The following ME2 variants were observed in gnomAD, a reference collection of about 807,000 sequenced individuals.
ME2 encodes malic enzyme 2, also known as NAD-dependent malic enzyme, mitochondrial.
A neutral mutation model predicts 73.7 loss-of-function variants in ME2; 60 were observed. That is an observed-to-expected ratio of 0.81 (90% CI 0.66 to 1.01). The LOEUF (loss-of-function observed/expected upper bound fraction) is 1.01, where lower values mean the gene tolerates loss of function less well. Among genes scored for constraint, ME2 ranks in the 50% least tolerant of loss-of-function variants. The probability of loss-of-function intolerance (pLI) is 0.00; values close to 1 mark genes in which losing one functional copy is unlikely to be tolerated. For synonymous variants in ME2, 199 were observed against 236.9 expected, an observed-to-expected ratio of 0.84 and a Z score of 1.47; for missense variants, 594 against 705.5, an observed-to-expected ratio of 0.84 and a Z score of 1.79.
chr18:50,887,490 T>C (rs1026044447), intron 1 of ME2, among the ~76,000 whole-genome samples: 7 of 152,190 alleles, frequency 4.6e-5, no homozygotes, highest in Non-Finnish European at 4.4e-5. Flanking sequence ...TAGACATATT[T>C]TGGGAAGCTG....
At position 50,912,956 on chromosome 18, in the gene ME2, G is replaced by C; in HGVS notation, c.392+6G>C. The C allele has an allele frequency of 6.4e-7, 1 of 1,573,950 alleles. No individual in the cohort carries two copies. The highest frequency in any genetic ancestry group is 8.6e-7 in the Non-Finnish European group (1 of 1,167,186). On this transcript the variant is annotated splice_donor_region_variant and intron_variant, in intron 4 of 15. Coordinates refer to ENST00000321341, the MANE Select transcript of ME2 (RefSeq NM_002396.5). ...CACATCTTTAGAAGACCTAAGTAAG[G>C]CTTGTTTAAAAAAAAGCTTGTAAAT...
chr18:50,885,057 T>C (rs1209057685), intron 1 of ME2, among the ~76,000 whole-genome samples: 2 of 152,022 alleles, frequency 1.3e-5, no homozygotes, highest in Non-Finnish European at 1.5e-5. Context: ...GGTTTTGCCA[T>C]GTTGGCCAGT....
chr18:50,921,168 A>G lies in ME2; in HGVS notation c.1037A>G (p.Lys346Arg), dbSNP rs146388631. The G allele has an allele frequency of 8.9e-5, 140 of 1,580,088 alleles. No homozygotes were observed. Among genetic ancestry groups the G allele is most frequent in the Non-Finnish European group, 1.7e-5 (20 of 1,154,266 alleles). ...EAQKKIWMFD[K>R]YGLLVKGRKA... The stretch of plus-strand genomic sequence containing the variant: ...CAAAAGAAAATCTGGATGTTTGACA[A>G]GTATGGTTTATTAGTTAAGGTAAGG... Residue 346 changes from lysine to arginine, a missense_variant, in exon 10 of 16, where the codon AAG becomes AGG. Coordinates refer to ENST00000321341, the MANE Select transcript of ME2 (RefSeq NM_002396.5).
chr18:50,918,755 T>C (rs868465862), intron 7 of ME2, among the ~76,000 whole-genome samples: 3 of 151,822 alleles, frequency 2.0e-5, no homozygotes, highest in African/African-American at 7.2e-5. Flanking sequence ...TTACTAAATG[T>C]GGATAACTAC....
At chr18:50,925,109 G>C (rs1356124974) in intron 11 of ME2, among the ~76,000 whole-genome samples, 1 of 151,730 alleles carries the variant, frequency 6.6e-6, no homozygotes, top group Non-Finnish European at 1.5e-5. Context: ...ATTTTATTTA[G>C]CATAATGTCA....
chr18:50,924,118 T>G lies in ME2; in HGVS notation c.1077T>G (p.Asp359Glu). Residue 359 changes from aspartate to glutamate, a missense_variant, in exon 11 of 16, where the codon GAT (aspartate) becomes GAG (glutamate). Asp to Glu is a conservative substitution (Grantham distance 45). Coordinates refer to ENST00000321341, the MANE Select transcript of ME2 (RefSeq NM_002396.5). Reference sequence around the variant, plus strand: ...TTTAGGGACGGAAAGCAAAAATAGATAGTTATCAGGAACCATTTACTCACT... The same window carrying G: ...TTTAGGGACGGAAAGCAAAAATAGAGAGTTATCAGGAACCATTTACTCACT... ...LLVKGRKAKI[D>E]SYQEPFTHSA... 6.2e-7 allele frequency: 1 copy of G among 1,611,912 alleles called. No homozygotes were observed. The highest frequency in any genetic ancestry group is 1.1e-5 in the South Asian group (1 of 90,470).
At chr18:50,904,994 C>A (rs1916985840) in intron 2 of ME2, among the ~76,000 whole-genome samples, 1 of 151,748 alleles carries the variant, frequency 6.6e-6, no homozygotes, top group Non-Finnish European at 1.5e-5. Flanking sequence ...AGATTCTGTT[C>A]ATCTTTTTTT....
At chr18:50,904,155 G>A (rs1916954862) in intron 2 of ME2, among the ~76,000 whole-genome samples, 1 of 151,964 alleles carries the variant, frequency 6.6e-6, no homozygotes, top group Non-Finnish European at 1.5e-5. Flanking sequence ...TCTATTGTTA[G>A]TATAGCCACT....
At chr18:50,934,121 A>C (rs1917763424) in intron 13 of ME2, 1 of 152,124 alleles carries the variant, frequency 6.6e-6, no homozygotes. Flanking sequence ...ACTATTGTGA[A>C]TAGTGCTGCA....
In ME2 at chr18:50,912,964, A is replaced by G; in HGVS notation, c.392+14A>G. ...TAGAAGACCTAAGTAAGGCTTGTTT[A>G]AAAAAAAGCTTGTAAATGATTATTG... On this transcript the variant is annotated intron_variant, in intron 4 of 15. Coordinates refer to ENST00000321341, the MANE Select transcript of ME2 (RefSeq NM_002396.5). The G allele has an allele frequency of 6.4e-7, 1 of 1,555,732 alleles. No homozygotes were observed.
At chr18:50,939,879 T>G in intron 14 of ME2, 3 of 468,362 alleles carry the variant, frequency 6.4e-6, no homozygotes, top group Non-Finnish European at 1.1e-5. Context: ...TTGCAATTTG[T>G]ATATCTGAAT....
chr18:50,921,092 A>C lies in ME2; in HGVS notation c.961A>C (p.Asn321His), dbSNP rs59409558. 20,700 of 1,575,260 alleles carry C rather than the reference A, an allele frequency of 0.013. 165 individuals are homozygous for C. Among genetic ancestry groups the C allele is most frequent in the Middle Eastern group, 0.041 (244 of 5,918 alleles). Reference protein sequence around the residue: ...GAGEAALGIANLIVMSMVENG... With the variant: ...GAGEAALGIAHLIVMSMVENG... Reference sequence around the variant, plus strand: ...TGAACAGGCTGCTCTTGGAATTGCAAATCTTATAGTTATGTCTATGGTAGA... The same window carrying C: ...TGAACAGGCTGCTCTTGGAATTGCACATCTTATAGTTATGTCTATGGTAGA... Residue 321 changes from asparagine to histidine, a missense_variant, in exon 10 of 16, where the codon AAT becomes CAT. Physicochemically the swap from Asn to His is moderately conservative, Grantham distance 68. Transcript: ENST00000321341.
chr18:50,932,496 G>A, intron 13 of ME2, 136 bp downstream of exon 13: 2 of 501,696 alleles, frequency 4.0e-6, no homozygotes, highest in Non-Finnish European at 6.8e-6. Context: ...GGAAACTCAA[G>A]GAATTCATCA....
chr18:50,909,870 G>C (rs1276978836), intron 3 of ME2, among the ~76,000 whole-genome samples: 1 of 152,074 alleles, frequency 6.6e-6, no homozygotes, highest in Non-Finnish European at 1.5e-5. Flanking sequence ...AAGGCATAGG[G>C]TCAAATGCGG....
chr18:50,922,735 A>G (rs190443942), intron 10 of ME2, among the ~76,000 whole-genome samples: 2 of 152,296 alleles, frequency 1.3e-5, no homozygotes, highest in Non-Finnish European at 1.5e-5. Flanking sequence ...AGCTTGGCCT[A>G]TGGGCATTAG....
chr18:50,884,948 G>A (rs974929830), intron 1 of ME2, among the ~76,000 whole-genome samples: 4 of 152,018 alleles, frequency 2.6e-5, no homozygotes, highest in African/African-American at 7.2e-5. Flanking sequence ...GCCGCCTCTC[G>A]GGTTCAAGCA....
At chr18:50,903,394 T>C (rs932897312) in intron 2 of ME2, among the ~76,000 whole-genome samples, 35 of 152,192 alleles carry the variant, frequency 2.3e-4, no homozygotes, top group Admixed American at 2.0e-3. Flanking sequence ...AAATAGGAAA[T>C]AGGCAGTGCA....
At chr18:50,888,567 A>AT (rs201234055) in intron 1 of ME2, among the ~76,000 whole-genome samples, 3,429 of 151,058 alleles carry the variant, frequency 0.023, 116 homozygotes, top group African/African-American at 0.078. Flanking sequence ...TCTGGGCTTT[A>AT]TTTTTTTTTC....
Position 50,932,322 on chromosome 18 carries a change from T to G in ME2, c.1379T>G (p.Phe460Cys). 1 of 1,613,306 alleles carries G rather than the reference T, an allele frequency of 6.2e-7. No homozygotes were observed. Among genetic ancestry groups the G allele is most frequent in the Non-Finnish European group, 8.5e-7 (1 of 1,179,456 alleles). ...GPVKLTDGRV[F>C]TPGQGNNVYI... ...GTGAAACTTACAGATGGGCGAGTCTTTACACCAGGTCAAGGAAACAATGTT... is the reference window on the plus strand; with the variant it reads ...GTGAAACTTACAGATGGGCGAGTCTGTACACCAGGTCAAGGAAACAATGTT... The change falls in exon 13 of 16, where the codon TTT becomes TGT. Residue 460 changes from phenylalanine (F) to cysteine (C), a missense_variant. By Grantham distance (205) the Phe-to-Cys change is radical. Coordinates refer to ENST00000321341, the MANE Select transcript of ME2 (RefSeq NM_002396.5).
Sources: gnomAD v4.1 joint callset for allele counts (sites outside exome capture counted in the v4.1 genomes callset) on GRCh38, gnomAD v4.1.1 for gene constraint, MANE v1.5 for transcripts, NCBI Gene and HGNC (gene_info 2026-07-23, HGNC 2026-07-21) for gene names.